Variants in GALNTL5 observed in about 807,000 individuals in gnomAD.
GALNTL5 encodes inactive polypeptide N-acetylgalactosaminyltransferase-like protein 5.
In GALNTL5, 44 loss-of-function variants were observed where a neutral mutation model predicts 51.0. The observed-to-expected ratio is 0.86, with a 90% CI of 0.68 to 1.11. GALNTL5 has a LOEUF of 1.11. Ranked by LOEUF, GALNTL5 falls within the 50% of genes least tolerant of loss-of-function variation. The pLI is 0.00. For synonymous variants in GALNTL5, 192 were observed against 182.8 expected (o/e 1.05, Z -0.41); for missense variants, 528 against 531.8 (o/e 0.99, Z 0.07).
At chr7:152,013,114 A>G (rs2081760631) in intron 7 of GALNTL5, among the ~76,000 whole-genome samples, 1 of 152,180 alleles carries the variant, frequency 6.6e-6, no homozygotes, top group African/African-American at 2.4e-5. Context: ...TAAATACTGC[A>G]TGTTCTTATT....
intron 1 of GALNTL5, among the ~76,000 whole-genome samples, chr7:151,964,943 A>C (rs911483660): frequency 6.6e-6 from 1 of 152,198 alleles, no homozygotes; most frequent in Non-Finnish European, 1.5e-5. Context: ...GGAAGAAGAC[A>C]GATGGACCCA....
intron 5 of GALNTL5, among the ~76,000 whole-genome samples, chr7:151,992,955 G>A (rs56958476): frequency 0.016 from 2,509 of 152,096 alleles, 64 homozygotes; most frequent in African/African-American, 0.057. Flanking sequence ...AGTAAGATGC[G>A]GACTGGACAC....
intron 3 of GALNTL5, among the ~76,000 whole-genome samples, chr7:151,980,967 G>C (rs920768064): frequency 2.0e-5 from 3 of 151,596 alleles, no homozygotes; most frequent in East Asian, 1.9e-4. Context: ...GGATGGTCTC[G>C]ATCTCCTGAC....
chr7:152,002,498 A>C (rs1210031010), intron 5 of GALNTL5, among the ~76,000 whole-genome samples: 3 of 152,134 alleles, frequency 2.0e-5, no homozygotes. Context: ...TCTAACCCAC[A>C]ATTACTGGCT....
intron 3 of GALNTL5, among the ~76,000 whole-genome samples, chr7:151,976,732 G>C (rs190450123): frequency 6.6e-6 from 1 of 152,028 alleles, no homozygotes; most frequent in Non-Finnish European, 1.5e-5. Context: ...GTAGTGGCAC[G>C]ATCTCAGCTC....
chr7:152,019,872 G>T lies in GALNTL5; in HGVS notation c.*71G>T. On this transcript the variant is annotated 3_prime_UTR_variant, in exon 9 of 9. Coordinates refer to ENST00000392800, the MANE Select transcript of GALNTL5 (RefSeq NM_145292.4). ...AGTCATTCAACATAGTGTCACAAGAGTGTAAGTTTGGAACATCGTGGAATT... is the reference window on the plus strand; with the variant it reads ...AGTCATTCAACATAGTGTCACAAGATTGTAAGTTTGGAACATCGTGGAATT... The T allele has an allele frequency of 7.7e-7, 1 of 1,305,294 alleles. No homozygotes were observed. The highest frequency in any genetic ancestry group is 2.4e-5 in the East Asian group (1 of 41,216). 80.9% of individuals were successfully genotyped at this position (1,305,294 alleles called of 1,614,324 possible).
At chr7:151,988,401 T>G (rs1035637543) in intron 5 of GALNTL5, among the ~76,000 whole-genome samples, 1 of 152,174 alleles carries the variant, frequency 6.6e-6, no homozygotes, top group Non-Finnish European at 1.5e-5. Flanking sequence ...GCGAATCATT[T>G]GTAAGGGCAT....
chr7:151,967,388 C>T lies in GALNTL5; in HGVS notation c.142C>T (p.Pro48Ser). ...CCAGGAGCCTCTGTCAGCTTGGTCCCCTGGAAAAAAAGTGCATCAGCAAAT... is the reference window on the plus strand; with the variant it reads ...CCAGGAGCCTCTGTCAGCTTGGTCCTCTGGAAAAAAAGTGCATCAGCAAAT... ...KSQEPLSAWS[P>S]GKKVHQQIIY... is the part of the protein sequence containing the mutation. Residue 48 changes from proline to serine, a missense_variant, in exon 2 of 9, where the codon CCT (proline) becomes TCT (serine). Physicochemically the swap from Pro to Ser is moderately conservative, Grantham distance 74 (BLOSUM62 -1). Transcript: ENST00000392800. 1 of 1,613,896 alleles carries T rather than the reference C, an allele frequency of 6.2e-7. No individual in the cohort carries two copies. The highest frequency in any genetic ancestry group is 1.3e-5 in the African/African-American group (1 of 74,968).
At chr7:151,962,701 C>T (rs1481958138) in intron 1 of GALNTL5, among the ~76,000 whole-genome samples, 1 of 152,012 alleles carries the variant, frequency 6.6e-6, no homozygotes, top group African/African-American at 2.4e-5. Context: ...CTCCACCTCC[C>T]GGGTTCACAC....
intron 4 of GALNTL5, among the ~76,000 whole-genome samples, chr7:151,984,481 C>T (rs1450006605): frequency 6.6e-6 from 1 of 152,172 alleles, no homozygotes; most frequent in Non-Finnish European, 1.5e-5. Context: ...GAGGTTCACC[C>T]TGCGGGGAAG....
intron 4 of GALNTL5, among the ~76,000 whole-genome samples, chr7:151,983,670 TA>T (rs1002504866): frequency 2.6e-5 from 4 of 152,070 alleles, no homozygotes; most frequent in African/African-American, 9.6e-5. Flanking sequence ...AAGGCAAACA[TA>T]GGGGCACCGG....
chr7:152,015,360 CTTTT>C (rs202199371), intron 8 of GALNTL5, among the ~76,000 whole-genome samples: 2 of 132,186 alleles, frequency 1.5e-5, no homozygotes, highest in Non-Finnish European at 1.6e-5. Flanking sequence ...ATGTGCAACT[CTTTT>C]TTTTTTTTTT....
chr7:151,988,178 CCCTGGGGGCAGGTATGA>C (rs2081384429), intron 5 of GALNTL5, among the ~76,000 whole-genome samples: 1 of 152,194 alleles, frequency 6.6e-6, no homozygotes, highest in Non-Finnish European at 1.5e-5. Context: ...CACTGCCCTC[CCCTGGGGGCAGGTATGA>C]CCTTGGTAGC....
chr7:151,992,624 G>T, intron 5 of GALNTL5, among the ~76,000 whole-genome samples: 1 of 152,102 alleles, frequency 6.6e-6, no homozygotes, highest in East Asian at 1.9e-4. Flanking sequence ...TGAAGGGCTC[G>T]CTCTACCCTG....
At chr7:151,964,334 C>T (rs923098345) in intron 1 of GALNTL5, among the ~76,000 whole-genome samples, 5 of 152,142 alleles carry the variant, frequency 3.3e-5, no homozygotes, top group African/African-American at 7.2e-5. Context: ...TTGCAGCATT[C>T]GATTCTGATA....
intron 8 of GALNTL5, among the ~76,000 whole-genome samples, chr7:152,018,878 ACACTAT>A (rs2151964116): frequency 6.6e-6 from 1 of 152,290 alleles, no homozygotes; most frequent in South Asian, 2.1e-4. Flanking sequence ...CTGTCATTCA[ACACTAT>A]CACTACCCTG....
At chr7:151,970,832 G>A (rs1174152415) in intron 2 of GALNTL5, 113 bp from the exon 3 acceptor site, 18 of 860,754 alleles carry the variant, frequency 2.1e-5, no homozygotes, top group South Asian at 3.5e-5. Context: ...ATCGATTTCC[G>A]AATTCTATTC....
chr7:151,975,992 A>T (rs999902794), intron 3 of GALNTL5, among the ~76,000 whole-genome samples: 1 of 152,160 alleles, frequency 6.6e-6, no homozygotes, highest in Non-Finnish European at 1.5e-5. Context: ...CTAATATTTG[A>T]TCAATCCTGG....
At chr7:152,016,827 G>C (rs1254777897) in intron 8 of GALNTL5, among the ~76,000 whole-genome samples, 1 of 152,046 alleles carries the variant, frequency 6.6e-6, no homozygotes. Context: ...CTGAGGCCAG[G>C]AGTTCAAGAC....
Sources: gnomAD v4.1 joint callset for allele counts (sites outside exome capture counted in the v4.1 genomes callset) on GRCh38, gnomAD v4.1.1 for gene constraint, MANE v1.5 for transcripts, NCBI Gene and HGNC (gene_info 2026-07-23, HGNC 2026-07-21) for gene names.